The following CTDSPL2 variants were observed in gnomAD, a reference collection of about 807,000 sequenced individuals.
CTDSPL2 encodes the protein CTD small phosphatase-like protein 2.
CTDSPL2 carries 5 observed loss-of-function variants against 60.0 expected under a neutral mutation model. The observed-to-expected ratio is 0.08, with a 90% CI of 0.04 to 0.18. The LOEUF (loss-of-function observed/expected upper bound fraction) is 0.18. CTDSPL2 is among the 10% of genes least tolerant of loss of function. CTDSPL2 has a pLI of 1.00. For missense variants in CTDSPL2, 370 were observed against 548.8 expected (o/e 0.67, Z 3.26); for synonymous variants, 186 against 189.3 (o/e 0.98, Z 0.14).
chr15:44,463,033 T>C (rs2080607701), intron 2 of CTDSPL2, among the ~76,000 whole-genome samples: 1 of 152,062 alleles, frequency 6.6e-6, no homozygotes. Context: ...GTAGAAATTT[T>C]TGTCCAAGTT....
intron 2 of CTDSPL2, among the ~76,000 whole-genome samples, chr15:44,483,887 C>T (rs1400310625): frequency 1.3e-5 from 2 of 152,144 alleles, no homozygotes; most frequent in Non-Finnish European, 2.9e-5. Context: ...TATCTCTGTT[C>T]TTAAGGACAC....
intron 2 of CTDSPL2, among the ~76,000 whole-genome samples, chr15:44,479,797 G>C (rs189186739): frequency 3.4e-4 from 51 of 152,152 alleles, no homozygotes; most frequent in Non-Finnish European, 6.2e-4. Flanking sequence ...TTTATCTATA[G>C]AGGTATTGTT....
At chr15:44,521,960 A>AAG (rs1475130969) in intron 12 of CTDSPL2, among the ~76,000 whole-genome samples, 1 of 150,324 alleles carries the variant, frequency 6.7e-6, no homozygotes, top group East Asian at 1.9e-4. Flanking sequence ...AAAAAAAAAA[A>AAG]AAACATGATG....
intron 1 of CTDSPL2, among the ~76,000 whole-genome samples, chr15:44,444,903 A>C (rs2080176928): frequency 8.1e-6 from 1 of 123,268 alleles, no homozygotes; most frequent in Non-Finnish European, 1.6e-5. Context: ...GCTGGAGTGC[A>C]GTGGCGCGAT....
intron 1 of CTDSPL2, among the ~76,000 whole-genome samples, chr15:44,437,984 G>C (rs1335992510): frequency 6.6e-6 from 1 of 152,148 alleles, no homozygotes; most frequent in Non-Finnish European, 1.5e-5. Flanking sequence ...GTGGCAGCTG[G>C]CTGGGTGCAG....
In CTDSPL2 at chr15:44,526,681, TTTGTC is replaced by T. The variant is rs1178065983; in HGVS notation, c.*2510_*2514del. 8.5e-5 allele frequency: 13 copies of T among 152,154 alleles called. No homozygotes were observed. Among genetic ancestry groups the T allele is most frequent in the Non-Finnish European group, 1.9e-4 (13 of 67,982 alleles). The allele number at this position is 152,154 out of a possible 1,614,324, so 9.4% of individuals were successfully genotyped here. A position where few individuals can be genotyped will look rare whatever the true frequency, so the allele number is the denominator to read the frequency against. On this transcript the variant is annotated 3_prime_UTR_variant, in exon 13 of 13. Coordinates refer to ENST00000260327, the MANE Select transcript of CTDSPL2 (RefSeq NM_016396.3). ...GCTTCCTTCTACCTTAATACAATGT[TTTGTC>T]TTCCCATTATCCTCTCTTTTCTTTA...
At position 44,439,121 on chromosome 15, in the gene CTDSPL2, ATATTAT is replaced by A. The variant is rs151096962; in HGVS notation, c.-25+11366_-25+11371del. Among the ~76,000 whole-genome samples the A allele has an allele frequency of 2.9e-3, 436 of 149,020 alleles. 3 individuals carry two copies. Among genetic ancestry groups the A allele is most frequent in the Middle Eastern group, 0.01 (3 of 288 alleles). The stretch of plus-strand genomic sequence containing the variant: ...AAGCATACTCATTTTCCCAAGCTTT[ATATTAT>A]TATTATTATTATTATTGTTATTTAT... On this transcript the variant is annotated intron_variant, in intron 1 of 12. Transcript: ENST00000260327.
intron 1 of CTDSPL2, chr15:44,447,953 G>T (rs565548341): frequency 2.2e-5 from 4 of 179,362 alleles, no homozygotes; most frequent in Non-Finnish European, 4.7e-5. Context: ...GGCCCATGAC[G>T]GGACCCATGC....
intron 1 of CTDSPL2, among the ~76,000 whole-genome samples, chr15:44,442,462 AAGAT>A (rs1463358106): frequency 8.4e-4 from 128 of 151,914 alleles, no homozygotes; most frequent in Middle Eastern, 6.8e-3. Context: ...AAAAAAAAAA[AAGAT>A]AGATAATTTT....
At chr15:44,442,192 T>C (rs984243356) in intron 1 of CTDSPL2, among the ~76,000 whole-genome samples, 2 of 152,202 alleles carry the variant, frequency 1.3e-5, no homozygotes, top group African/African-American at 4.8e-5. Context: ...GGCTCATGCC[T>C]GTAATCCCAG....
At chr15:44,457,878 C>A (rs1014557045) in intron 1 of CTDSPL2, among the ~76,000 whole-genome samples, 26 of 152,208 alleles carry the variant, frequency 1.7e-4, no homozygotes, top group African/African-American at 6.3e-4. Flanking sequence ...TTCCAAAGTG[C>A]TGGGATTACA....
chr15:44,458,222 G>A (rs1013241143), intron 1 of CTDSPL2, among the ~76,000 whole-genome samples: 12 of 152,182 alleles, frequency 7.9e-5, no homozygotes, highest in Non-Finnish European at 1.3e-4. Flanking sequence ...ATTGGAGTAG[G>A]ATTAAAATTC....
intron 2 of CTDSPL2, among the ~76,000 whole-genome samples, chr15:44,460,259 C>A (rs898272235): frequency 6.6e-6 from 1 of 152,070 alleles, no homozygotes; most frequent in South Asian, 2.1e-4. Flanking sequence ...TACAGGCGCC[C>A]GCCACCACAC....
chr15:44,465,201 A>T (rs2080660943), intron 2 of CTDSPL2, among the ~76,000 whole-genome samples: 1 of 152,156 alleles, frequency 6.6e-6, no homozygotes, highest in Non-Finnish European at 1.5e-5. Flanking sequence ...ATTATTCAGG[A>T]ATTGTTCGTG....
intron 5 of CTDSPL2, among the ~76,000 whole-genome samples, chr15:44,491,313 C>T (rs1478115092): frequency 2.0e-5 from 3 of 152,108 alleles, no homozygotes; most frequent in African/African-American, 7.2e-5. Flanking sequence ...ATTATTATTG[C>T]ACAAGTCTTA....
intron 1 of CTDSPL2, among the ~76,000 whole-genome samples, chr15:44,429,964 G>A (rs546342917): frequency 6.6e-6 from 1 of 152,322 alleles, no homozygotes; most frequent in Admixed American, 6.5e-5. Flanking sequence ...AGGAATGTCA[G>A]GGTTTGTATG....
chr15:44,453,296 T>C (rs2080366955), intron 1 of CTDSPL2, among the ~76,000 whole-genome samples: 1 of 152,164 alleles, frequency 6.6e-6, no homozygotes, highest in African/African-American at 2.4e-5. Flanking sequence ...ACCTTTTTAT[T>C]ATGTTGAGGA....
At chr15:44,510,351 A>C (rs529041126) in intron 8 of CTDSPL2, among the ~76,000 whole-genome samples, 4 of 152,200 alleles carry the variant, frequency 2.6e-5, no homozygotes, top group Non-Finnish European at 5.9e-5. Context: ...AAAGTTTTGC[A>C]TAATGAACAT....
chr15:44,501,677 C>T (rs1231545283), intron 8 of CTDSPL2, among the ~76,000 whole-genome samples: 1 of 152,056 alleles, frequency 6.6e-6, no homozygotes, highest in Non-Finnish European at 1.5e-5. Flanking sequence ...ATGATCTAGC[C>T]TAAATGAGAG....
Sources: allele counts gnomAD v4.1 joint callset (sites outside exome capture counted in the v4.1 genomes callset), GRCh38; gene constraint gnomAD v4.1.1; transcripts MANE v1.5; gene names NCBI Gene and HGNC (gene_info 2026-07-23, HGNC 2026-07-21).